The following MACF1 variants were observed in gnomAD, a reference collection of about 807,000 sequenced individuals.
MACF1 encodes the protein microtubule-actin cross-linking factor 1.
In MACF1, 193 loss-of-function variants were observed where a neutral mutation model predicts 854.8. The ratio of observed to expected loss-of-function variants is 0.23; its 90% CI spans 0.20 to 0.25. The LOEUF (loss-of-function observed/expected upper bound fraction) is 0.25. Ranked by LOEUF, MACF1 falls within the 10% of genes least tolerant of loss-of-function variation. MACF1 has a pLI of 1.00. For missense variants in MACF1, 7,722 were observed against 8,929.1 expected (o/e 0.86, Z 5.45); for synonymous variants, 3,185 against 3,226.7 (o/e 0.99, Z 0.44).
At position 39,269,325 on chromosome 1, in the gene MACF1, A is replaced by G. The variant is rs746528980; in HGVS notation, c.528+11297A>G. 1.8e-5 allele frequency: 23 copies of G among 1,289,758 alleles called. No homozygotes were observed. In the South Asian group the frequency reaches 2.7e-4, roughly 15 times the overall value. 79.9% of individuals were successfully genotyped at this position (1,289,758 alleles called of 1,614,324 possible). On this transcript the variant is annotated intron_variant, in intron 6 of 100. Transcript: ENST00000564288. ...GCCTAGGACAGACTACCCCACTGAT[A>G]AAGGAAATCAAGAACAATTTTCAGA...
chr1:39,331,952 G>C lies in MACF1; in HGVS notation c.5364G>C (p.Glu1788Asp). 2 of 1,614,128 alleles carry C rather than the reference G, an allele frequency of 1.2e-6. No individual in the cohort carries two copies. The highest frequency in any genetic ancestry group is 2.7e-5 in the African/African-American group (2 of 75,022). ...CAGGACACAGACTTACAGTGGAAGA[G>C]GCTGTAAGACATAATCTGATTGACC... ...PRTGHRLTVE[E>D]AVRHNLIDQD... The change falls in exon 37 of 101, where the codon GAG becomes GAC. Residue 1788 changes from glutamate (E) to aspartate (D), a missense_variant. Glu to Asp is a conservative substitution (Grantham distance 45). Coordinates refer to ENST00000564288, the MANE Select transcript of MACF1 (RefSeq NM_001394062.1).
intron 64 of MACF1, 122 bp from the exon 65 acceptor site, chr1:39,429,705 T>A: frequency 2.0e-6 from 2 of 985,834 alleles, no homozygotes; most frequent in South Asian, 3.2e-5. Context: ...ATAGGTGAAA[T>A]CATTACCACA....
intron 44 of MACF1, among the ~76,000 whole-genome samples, chr1:39,354,319 C>T (rs1647336855): frequency 6.6e-6 from 1 of 152,146 alleles, no homozygotes; most frequent in South Asian, 2.1e-4. Flanking sequence ...GAGTTCACTT[C>T]CTCTAGGAAG....
At chr1:39,153,473 C>A (rs531602905) in intron 2 of MACF1, among the ~76,000 whole-genome samples, 112 of 152,116 alleles carry the variant, frequency 7.4e-4, no homozygotes, top group Non-Finnish European at 1.4e-3. Flanking sequence ...TCTCCTTGGA[C>A]CCACAGCCAA....
intron 55 of MACF1, among the ~76,000 whole-genome samples, chr1:39,381,451 C>T (rs542769535): frequency 2.1e-4 from 32 of 150,214 alleles, no homozygotes; most frequent in African/African-American, 7.6e-4. Flanking sequence ...ACTACAGCCT[C>T]GACTTCCCTG....
chr1:39,175,768 C>T (rs986714397), intron 2 of MACF1, among the ~76,000 whole-genome samples: 11 of 151,140 alleles, frequency 7.3e-5, no homozygotes, highest in Admixed American at 1.3e-4. Flanking sequence ...GCCTGGCCAA[C>T]GTGGTGAAAG....
chr1:39,389,118 C>T (rs1219877788), intron 58 of MACF1, among the ~76,000 whole-genome samples: 1 of 151,614 alleles, frequency 6.6e-6, no homozygotes, highest in East Asian at 1.9e-4. Context: ...TCAGGCAATC[C>T]GCCCACCTCA....
chr1:39,281,028 T>G (rs1364871129), intron 6 of MACF1, among the ~76,000 whole-genome samples: 6 of 152,212 alleles, frequency 3.9e-5, no homozygotes, highest in African/African-American at 1.4e-4. Flanking sequence ...TTAGGTGCTT[T>G]AATGTGTAAT....
intron 1 of MACF1, among the ~76,000 whole-genome samples, chr1:39,216,279 G>T (rs938219179): frequency 6.6e-5 from 10 of 152,082 alleles, no homozygotes; most frequent in African/African-American, 2.2e-4. Flanking sequence ...TTATTATATG[G>T]TAGTGTGTTT....
chr1:39,333,485 T>C lies in MACF1; in HGVS notation c.6897T>C (p.His2299=), dbSNP rs768904750. 2.5e-6 allele frequency: 4 copies of C among 1,614,092 alleles called. No homozygotes were observed. The highest frequency in any genetic ancestry group is 2.7e-5 in the African/African-American group (2 of 74,940). Reference sequence around the variant, plus strand: ...AGTTACTAGATGGTGGTATCTTTCATGAACAAACAGGTCAAAAGCTCTTAC... The same window carrying C: ...AGTTACTAGATGGTGGTATCTTTCACGAACAAACAGGTCAAAAGCTCTTAC... ...SAQLLDGGIF[H]EQTGQKLLLN... Residue 2299 remains histidine, a synonymous_variant, in exon 37 of 101, where the codon CAT becomes CAC. Coordinates refer to ENST00000564288, the MANE Select transcript of MACF1 (RefSeq NM_001394062.1).
intron 80 of MACF1, among the ~76,000 whole-genome samples, chr1:39,445,275 T>A (rs1317825066): frequency 6.6e-6 from 1 of 152,200 alleles, no homozygotes; most frequent in Non-Finnish European, 1.5e-5. Context: ...TATGACCTCT[T>A]CCCACTCATC....
rs759042734 is a variant in MACF1, at chr1:39,429,850, G to A, written c.16912G>A (p.Glu5638Lys). The change falls in exon 65 of 101, where the codon GAA becomes AAA. Residue 5638 changes from glutamate to lysine, a missense_variant. Glu to Lys is a moderately conservative substitution (Grantham distance 56). Transcript: ENST00000564288. ...TTGEEVLLIQ[E>K]KLDGIKTRYA... ...AGGTGAGGAGGTGTTACTTATCCAG[G>A]AAAAACTAGATGGTATAAAGACTCG... 1.9e-6 allele frequency: 3 copies of A among 1,613,894 alleles called. No homozygotes were observed. Among genetic ancestry groups the A allele is most frequent in the East Asian group, 2.2e-5 (1 of 44,888 alleles).
At chr1:39,441,930 G>A (rs551404489) in intron 74 of MACF1, 22 bp from the exon 75 acceptor site, 1 of 1,584,372 alleles carries the variant, frequency 6.3e-7, no homozygotes, top group South Asian at 1.1e-5. Flanking sequence ...GTTTTTGACT[G>A]TTTACTTGTC....
At chr1:39,203,196 A>C (rs1000845890), upstream of MACF1, among the ~76,000 whole-genome samples, 1 of 152,162 alleles carries the variant, frequency 6.6e-6, no homozygotes, top group East Asian at 1.9e-4. Flanking sequence ...TCATAGTGTA[A>C]TAGGTACTTT....
chr1:39,250,233 A>T (rs1371735405), intron 3 of MACF1, 130 bp downstream of exon 3: 9 of 530,804 alleles, frequency 1.7e-5, no homozygotes, highest in Non-Finnish European at 2.7e-5. Flanking sequence ...GTAGAAGGAA[A>T]TGTTGGGGGA....
rs889578382 is a variant in MACF1, at chr1:39,352,464, A to C, written c.11200-543A>C. Among the ~76,000 whole-genome samples the C allele has an allele frequency of 4.6e-5, 7 of 152,198 alleles. No homozygotes were observed. In the South Asian group the frequency reaches 1.4e-3, roughly 31 times the overall value. On this transcript the variant is annotated intron_variant, in intron 43 of 100. Coordinates refer to ENST00000564288, the MANE Select transcript of MACF1 (RefSeq NM_001394062.1). ...CTGTGTACCTCAAAAGATTCTGTGA[A>C]GCTTGCTGGGGTGGCAGGACTAAAT...
At chr1:39,195,964 T>G (rs1334069230) in intron 2 of MACF1, among the ~76,000 whole-genome samples, 1 of 152,192 alleles carries the variant, frequency 6.6e-6, no homozygotes, top group Non-Finnish European at 1.5e-5. Context: ...GCAATATTCA[T>G]AGTCTTTGTG....
intron 38 of MACF1, among the ~76,000 whole-genome samples, chr1:39,338,345 A>G (rs1051352564): frequency 1.3e-5 from 2 of 152,034 alleles, no homozygotes; most frequent in Non-Finnish European, 2.9e-5. Context: ...AAGCAGCTGG[A>G]TGAGGCGATA....
Position 39,335,333 on chromosome 1 carries a change from A to G in MACF1, c.8745A>G (p.Thr2915=). The G allele has an allele frequency of 6.2e-7, 1 of 1,613,940 alleles. No homozygotes were observed. Among genetic ancestry groups the G allele is most frequent in the Non-Finnish European group, 8.5e-7 (1 of 1,179,938 alleles). ...DTNEEQEKAV[T]KIEIISHMKQ... is the part of the protein sequence containing the mutation. Reference sequence around the variant, plus strand: ...ATGAAGAGCAGGAAAAAGCAGTGACAAAAATAGAAATTATTTCTCATATGA... The same window carrying G: ...ATGAAGAGCAGGAAAAAGCAGTGACGAAAATAGAAATTATTTCTCATATGA... Residue 2915 remains threonine, a synonymous_variant, in exon 37 of 101, where the codon ACA becomes ACG. Coordinates refer to ENST00000564288, the MANE Select transcript of MACF1 (RefSeq NM_001394062.1).
Sources: allele counts gnomAD v4.1 joint callset (sites outside exome capture counted in the v4.1 genomes callset), GRCh38; gene constraint gnomAD v4.1.1; transcripts MANE v1.5; gene names NCBI Gene and HGNC (gene_info 2026-07-23, HGNC 2026-07-21).